DLG2: variants seen among roughly 807,000 people sequenced by gnomAD.
The protein encoded by DLG2 is disks large homolog 2.
A neutral mutation model predicts 132.5 loss-of-function variants in DLG2; 45 were observed. The ratio of observed to expected loss-of-function variants is 0.34; its 90% CI spans 0.27 to 0.44. The LOEUF is 0.44. DLG2 is among the 20% of genes least tolerant of loss of function. The pLI, the probability that DLG2 is intolerant of heterozygous loss-of-function variation, is 1.00. For missense variants in DLG2, 1,045 were observed against 1,196.9 expected (o/e 0.87, Z 1.87); for synonymous variants, 424 against 419.6 (o/e 1.01, Z -0.13).
intron 6 of DLG2, among the ~76,000 whole-genome samples, chr11:84,896,304 G>C (rs188894774): frequency 1.2e-3 from 189 of 152,152 alleles, no homozygotes; most frequent in African/African-American, 4.4e-3. Context: ...TGATGAAGAT[G>C]GAGAATTTAG....
At chr11:84,993,493 T>C (rs1484537060) in intron 6 of DLG2, among the ~76,000 whole-genome samples, 2 of 152,216 alleles carry the variant, frequency 1.3e-5, no homozygotes, top group South Asian at 2.1e-4. Context: ...CAAGAAAGAT[T>C]AGGGTGCAAG....
At chr11:84,718,870 G>A (rs996981845) in intron 6 of DLG2, among the ~76,000 whole-genome samples, 1 of 152,160 alleles carries the variant, frequency 6.6e-6, no homozygotes, top group Middle Eastern at 3.4e-3. Flanking sequence ...AGATCTCTTC[G>A]GGGTTTCCAA....
chr11:84,077,395 G>A (rs953599118), intron 10 of DLG2, among the ~76,000 whole-genome samples: 2 of 152,152 alleles, frequency 1.3e-5, no homozygotes. Flanking sequence ...ACAACAGTGG[G>A]AAGCCCAGTG....
intron 7 of DLG2, among the ~76,000 whole-genome samples, chr11:84,517,490 GATA>G (rs1398214776): frequency 6.6e-6 from 1 of 151,740 alleles, no homozygotes; most frequent in Non-Finnish European, 1.5e-5. Context: ...AAAAGACAAA[GATA>G]ATAAACGCTG....
At chr11:83,958,742 C>T (rs539747518) in intron 14 of DLG2, among the ~76,000 whole-genome samples, 30 of 152,062 alleles carry the variant, frequency 2.0e-4, no homozygotes, top group African/African-American at 4.3e-4. Context: ...TCATAGTTAC[C>T]GGTAACATAC....
At chr11:84,807,385 G>A (rs1363168185) in intron 6 of DLG2, among the ~76,000 whole-genome samples, 4 of 152,178 alleles carry the variant, frequency 2.6e-5, no homozygotes, top group Admixed American at 1.3e-4. Flanking sequence ...GGCAGATGTT[G>A]CAGTGAGCCG....
intron 8 of DLG2, among the ~76,000 whole-genome samples, chr11:84,245,958 G>T (rs1254040521): frequency 6.6e-6 from 1 of 152,196 alleles, no homozygotes; most frequent in Admixed American, 6.5e-5. Context: ...GTTGGTGGAT[G>T]TAAGGTGAGC....
chr11:85,491,774 T>G (rs1193638824), intron 3 of DLG2, among the ~76,000 whole-genome samples: 2 of 152,104 alleles, frequency 1.3e-5, no homozygotes, highest in African/African-American at 4.8e-5. Flanking sequence ...AGAGATATCC[T>G]ATGTTCATGA....
At chr11:83,967,750 T>C (rs1435405013) in intron 12 of DLG2, among the ~76,000 whole-genome samples, 1 of 152,164 alleles carries the variant, frequency 6.6e-6, no homozygotes, top group Non-Finnish European at 1.5e-5. Flanking sequence ...ATTTTTCCTT[T>C]TGTAGCCTGA....
At chr11:83,545,909 C>T (rs771504433) in intron 19 of DLG2, among the ~76,000 whole-genome samples, 1 of 152,134 alleles carries the variant, frequency 6.6e-6, no homozygotes, top group Non-Finnish European at 1.5e-5. Context: ...TACAGTGCCC[C>T]ATCACCTAAT....
At chr11:83,783,012 G>C (rs540171131) in intron 18 of DLG2, among the ~76,000 whole-genome samples, 1 of 152,290 alleles carries the variant, frequency 6.6e-6, no homozygotes, top group African/African-American at 2.4e-5. Flanking sequence ...AATTATTATT[G>C]AAGTACAATG....
intron 19 of DLG2, among the ~76,000 whole-genome samples, chr11:83,554,944 G>T (rs993000031): frequency 6.6e-6 from 1 of 152,188 alleles, no homozygotes; most frequent in South Asian, 2.1e-4. Context: ...CAGAAACAAG[G>T]CACTTTTGGA....
At chr11:84,697,639 C>T (rs2058753197) in intron 6 of DLG2, among the ~76,000 whole-genome samples, 1 of 151,464 alleles carries the variant, frequency 6.6e-6, no homozygotes, top group Non-Finnish European at 1.5e-5. Context: ...ATCACAACAA[C>T]TCCTTGAATT....
chr11:83,973,703 T>TA (rs201990240), intron 12 of DLG2, among the ~76,000 whole-genome samples: 6,525 of 151,794 alleles, frequency 0.043, 189 homozygotes, highest in Non-Finnish European at 0.067. Context: ...TTGGAAAACC[T>TA]AAAAAAATAA....
At chr11:84,871,236 C>T (rs2085409952) in intron 6 of DLG2, among the ~76,000 whole-genome samples, 1 of 152,180 alleles carries the variant, frequency 6.6e-6, no homozygotes, top group Admixed American at 6.5e-5. Flanking sequence ...TTCCAGGCTT[C>T]CTGCATAAGG....
intron 3 of DLG2, among the ~76,000 whole-genome samples, chr11:85,502,270 G>A (rs1345802278): frequency 6.6e-6 from 1 of 151,874 alleles, no homozygotes; most frequent in Non-Finnish European, 1.5e-5. Flanking sequence ...ACCTGTGTGG[G>A]GTGGTGGGCT....
intron 10 of DLG2, among the ~76,000 whole-genome samples, chr11:84,062,131 G>A (rs1371584086): frequency 2.0e-5 from 3 of 152,116 alleles, no homozygotes; most frequent in African/African-American, 7.2e-5. Context: ...TGTATACAGT[G>A]GGATCCTTAA....
At chr11:85,403,524 A>G (rs2088403660) in intron 3 of DLG2, among the ~76,000 whole-genome samples, 1 of 151,854 alleles carries the variant, frequency 6.6e-6, no homozygotes, top group Non-Finnish European at 1.5e-5. Context: ...GAAAGATGAG[A>G]AGGACATAAC....
At chr11:84,994,228 C>T (rs1221856146) in intron 6 of DLG2, among the ~76,000 whole-genome samples, 1 of 152,096 alleles carries the variant, frequency 6.6e-6, no homozygotes, top group Non-Finnish European at 1.5e-5. Context: ...GTCTCTCTCT[C>T]CAGCTCTACT....
Sources: allele counts gnomAD v4.1 joint callset (sites outside exome capture counted in the v4.1 genomes callset), GRCh38; gene constraint gnomAD v4.1.1; transcripts MANE v1.5; gene names NCBI Gene and HGNC (gene_info 2026-07-23, HGNC 2026-07-21).